OCA2: variants seen among roughly 807,000 people sequenced by gnomAD.
The protein encoded by OCA2 is OCA2 melanosomal transmembrane protein.
A neutral mutation model predicts 100.2 loss-of-function variants in OCA2; 77 were observed. That is an observed-to-expected ratio of 0.77 (90% CI 0.64 to 0.93). OCA2 has a LOEUF of 0.93. Among genes scored for constraint, OCA2 ranks in the 40% least tolerant of loss-of-function variants. The pLI, the probability that OCA2 is intolerant of heterozygous loss-of-function variation, is 0.00. For missense variants in OCA2, 1,062 were observed against 1,089.1 expected (o/e 0.98, Z 0.35); for synonymous variants, 432 against 439.2 (o/e 0.98, Z 0.21).
At chr15:27,755,788 C>T (rs958886209) in intron 23 of OCA2, among the ~76,000 whole-genome samples, 3 of 152,098 alleles carry the variant, frequency 2.0e-5, no homozygotes, top group African/African-American at 7.2e-5. Flanking sequence ...GCTGGGCCAC[C>T]ATTTAAATCT....
intron 23 of OCA2, among the ~76,000 whole-genome samples, chr15:27,823,395 C>A (rs552905593): frequency 1.8e-5 from 2 of 110,758 alleles, no homozygotes; most frequent in African/African-American, 3.0e-5. Context: ...AAGTCATATG[C>A]CGATTATAGT....
At chr15:27,760,710 T>G (rs1038680570) in intron 23 of OCA2, among the ~76,000 whole-genome samples, 2 of 152,076 alleles carry the variant, frequency 1.3e-5, no homozygotes, top group East Asian at 3.9e-4. Context: ...ATTGTATACA[T>G]ATACATTTAA....
chr15:27,720,511 T>C, the OCA2 span, among the ~76,000 whole-genome samples: 1 of 151,008 alleles, frequency 6.6e-6, no homozygotes, highest in African/African-American at 2.4e-5. Context: ...GAAGAAGCTG[T>C]ATAAATATAT....
At position 27,871,765 on chromosome 15, in the gene OCA2, T is replaced by C. The variant is rs552214675; in HGVS notation, c.2139+98A>G. 6.7e-5 allele frequency: 58 copies of C among 867,590 alleles called. No homozygotes were observed. In the Admixed American group the frequency reaches 9.4e-4, roughly 14 times the overall value. 53.7% of individuals were successfully genotyped at this position (867,590 alleles called of 1,614,324 possible). A position where few individuals can be genotyped will look rare whatever the true frequency, so the allele number is the denominator to read the frequency against. ...CTGCTGTGCCTTTTTACATAATTAA[T>C]GGGACCTGTTCTTACCAGAGTGCTT... On this transcript the variant is annotated intron_variant, in intron 20 of 23. Coordinates refer to ENST00000354638, the MANE Select transcript of OCA2 (RefSeq NM_000275.3).
intron 9 of OCA2, among the ~76,000 whole-genome samples, chr15:27,995,204 T>C (rs1376621407): frequency 6.6e-6 from 1 of 152,092 alleles, no homozygotes; most frequent in African/African-American, 2.4e-5. Flanking sequence ...TTTAAGACAA[T>C]GGATAGAACA....
intron 19 of OCA2, among the ~76,000 whole-genome samples, chr15:27,879,927 G>A (rs1271764540): frequency 6.6e-6 from 1 of 151,988 alleles, no homozygotes; most frequent in African/African-American, 2.4e-5. Context: ...ATCTATGTTT[G>A]TGCCTATGTC....
chr15:27,879,071 C>T (rs56677348), intron 19 of OCA2, among the ~76,000 whole-genome samples: 66,817 of 151,918 alleles, frequency 0.44, 17,125 homozygotes, highest in African/African-American at 0.69. Context: ...TTGTTCTCTT[C>T]GTTCGGCTCC....
At chr15:27,728,018 C>T in the OCA2 span, among the ~76,000 whole-genome samples, 21 of 152,192 alleles carry the variant, frequency 1.4e-4, no homozygotes, top group Non-Finnish European at 2.4e-4. Flanking sequence ...CTCTCACACA[C>T]GCCAAAGGCA....
intron 14 of OCA2, among the ~76,000 whole-genome samples, chr15:27,972,908 C>T (rs1173476638): frequency 6.7e-6 from 1 of 150,252 alleles, no homozygotes; most frequent in Non-Finnish European, 1.5e-5. Flanking sequence ...CTTTCTCACC[C>T]AAGCTGGAGT....
At chr15:27,971,441 A>C (rs2040787204) in intron 14 of OCA2, among the ~76,000 whole-genome samples, 1 of 152,196 alleles carries the variant, frequency 6.6e-6, no homozygotes, top group Non-Finnish European at 1.5e-5. Context: ...GTAAAACTTT[A>C]TCCTGTCAGC....
intron 23 of OCA2, among the ~76,000 whole-genome samples, chr15:27,781,667 ACTGT>A (rs1243777220): frequency 6.6e-5 from 10 of 152,306 alleles, no homozygotes; most frequent in African/African-American, 1.9e-4. Context: ...AAATCATTTT[ACTGT>A]CTAATATGCT....
intron 9 of OCA2, among the ~76,000 whole-genome samples, chr15:28,004,077 G>A (rs2042014554): frequency 6.6e-6 from 1 of 152,230 alleles, no homozygotes; most frequent in Admixed American, 6.5e-5. Flanking sequence ...CTTCCTTCCT[G>A]TGGGTCTCTC....
intron 19 of OCA2, among the ~76,000 whole-genome samples, chr15:27,887,959 C>T (rs1040605090): frequency 2.6e-5 from 4 of 151,998 alleles, no homozygotes; most frequent in African/African-American, 9.7e-5. Context: ...CCCCACTACA[C>T]CTCACACCTG....
intron 2 of OCA2, among the ~76,000 whole-genome samples, chr15:28,037,818 C>T (rs531117374): frequency 6.6e-6 from 1 of 152,302 alleles, no homozygotes; most frequent in African/African-American, 2.4e-5. Context: ...TCCCCCAGCC[C>T]TTCCCTCCCA....
chr15:27,793,822 C>T (rs555591492), intron 23 of OCA2, among the ~76,000 whole-genome samples: 2 of 152,330 alleles, frequency 1.3e-5, no homozygotes, highest in East Asian at 1.9e-4. Context: ...TCCTTATTCA[C>T]AATGCTGGCT....
chr15:27,873,817 T>C (rs1314050325), intron 19 of OCA2, among the ~76,000 whole-genome samples: 1 of 152,194 alleles, frequency 6.6e-6, no homozygotes, highest in Non-Finnish European at 1.5e-5. Flanking sequence ...ACAAATACAC[T>C]CTTTTACAAA....
intron 19 of OCA2, among the ~76,000 whole-genome samples, chr15:27,887,293 G>A (rs2037262960): frequency 6.6e-6 from 1 of 151,726 alleles, no homozygotes; most frequent in African/African-American, 2.4e-5. Context: ...ACAGCTGCAG[G>A]GAGTATTTCA....
At chr15:27,879,012 T>G (rs2036902615) in intron 19 of OCA2, among the ~76,000 whole-genome samples, 1 of 151,994 alleles carries the variant, frequency 6.6e-6, no homozygotes, top group Non-Finnish European at 1.5e-5. Flanking sequence ...CCCTCCCCCT[T>G]TTCCCCCTTG....
intron 1 of OCA2, among the ~76,000 whole-genome samples, chr15:28,094,253 A>G (rs552331074): frequency 6.6e-6 from 1 of 151,670 alleles, no homozygotes; most frequent in South Asian, 2.1e-4. Context: ...CCCTCCCTTC[A>G]CCCCAGCCCG....
Sources: gnomAD v4.1 joint callset for allele counts (sites outside exome capture counted in the v4.1 genomes callset) on GRCh38, gnomAD v4.1.1 for gene constraint, MANE v1.5 for transcripts, NCBI Gene and HGNC (gene_info 2026-07-23, HGNC 2026-07-21) for gene names.